IPO8: variants seen among roughly 807,000 people sequenced by gnomAD.
IPO8 encodes the protein importin 8.
In IPO8, 65 loss-of-function variants were observed where a neutral mutation model predicts 141.2. The observed-to-expected ratio is 0.46, with a 90% CI of 0.38 to 0.57. The LOEUF is 0.57. Among genes scored for constraint, IPO8 ranks in the 20% least tolerant of loss-of-function variants. The probability of loss-of-function intolerance (pLI) is 0.00; values close to 1 mark genes in which losing one functional copy is unlikely to be tolerated. For synonymous variants in IPO8, 411 were observed against 420.3 expected, an observed-to-expected ratio of 0.98 and a Z score of 0.27; for missense variants, 980 against 1,246.8, an observed-to-expected ratio of 0.79 and a Z score of 3.22.
intron 14 of IPO8, among the ~76,000 whole-genome samples, chr12:30,662,890 C>A (rs2052908745): frequency 6.6e-6 from 1 of 152,132 alleles, no homozygotes; most frequent in Non-Finnish European, 1.5e-5. Flanking sequence ...CTGCCCCAGG[C>A]CATCTCTACC....
At chr12:30,633,416 T>G (rs1468439859) in intron 23 of IPO8, among the ~76,000 whole-genome samples, 3 of 152,234 alleles carry the variant, frequency 2.0e-5, no homozygotes, top group African/African-American at 7.2e-5. Flanking sequence ...AATAATTTAT[T>G]TGATTAATAA....
intron 19 of IPO8, 94 bp downstream of exon 19, chr12:30,652,097 TA>T: frequency 1.5e-6 from 1 of 652,710 alleles, no homozygotes; most frequent in Non-Finnish European, 2.7e-6. Flanking sequence ...AATGCAGAAC[TA>T]AATGTGTAAG....
At chr12:30,668,293 C>T (rs912233787) in intron 10 of IPO8, among the ~76,000 whole-genome samples, 16 of 152,284 alleles carry the variant, frequency 1.1e-4, no homozygotes, top group Admixed American at 1.3e-4. Flanking sequence ...AAACACAAAG[C>T]TCTGTAAAAA....
At position 30,676,787 on chromosome 12, in the gene IPO8, G is replaced by C; in HGVS notation, c.640-200C>G. On this transcript the variant is annotated intron_variant, in intron 5 of 24. Transcript: ENST00000256079. ...AATTTTTAAATTTAGAAGACTACCT[G>C]CCATGAGTTGTTTCTTGGGTCTACT... The C allele has an allele frequency of 3.6e-6, 3 of 841,602 alleles. No individual in the cohort carries two copies. In the South Asian group the frequency reaches 4.6e-5, roughly 13 times the overall value. The allele number at this position is 841,602 out of a possible 1,614,324, so 52.1% of individuals were successfully genotyped here. A position where few individuals can be genotyped will look rare whatever the true frequency, so the allele number is the denominator to read the frequency against.
At chr12:30,671,758 G>GCA (rs2053055621) in intron 8 of IPO8, among the ~76,000 whole-genome samples, 1 of 148,492 alleles carries the variant, frequency 6.7e-6, no homozygotes, top group Non-Finnish European at 1.5e-5. Context: ...ACAAGAGACA[G>GCA]CACAAAGATG....
chr12:30,659,371 G>T (rs1181537836), intron 16 of IPO8, among the ~76,000 whole-genome samples: 4 of 151,940 alleles, frequency 2.6e-5, no homozygotes, highest in African/African-American at 7.2e-5. Flanking sequence ...GCAGCTACTC[G>T]GGAGGCTGAG....
intron 13 of IPO8, 94 bp from the exon 14 acceptor site, chr12:30,663,748 T>C (rs1426913357): frequency 1.0e-6 from 1 of 958,428 alleles, no homozygotes; most frequent in Non-Finnish European, 1.4e-6. Context: ...AAAATATCAA[T>C]TCTATGAAGA....
At chr12:30,667,495 C>G (rs542353125) in intron 10 of IPO8, among the ~76,000 whole-genome samples, 1 of 152,188 alleles carries the variant, frequency 6.6e-6, no homozygotes, top group Non-Finnish European at 1.5e-5. Context: ...TCAGTCAATA[C>G]ATTTAGATAG....
At chr12:30,640,289 A>G (rs1172526026) in intron 20 of IPO8, among the ~76,000 whole-genome samples, 1 of 152,214 alleles carries the variant, frequency 6.6e-6, no homozygotes, top group Non-Finnish European at 1.5e-5. Flanking sequence ...CTATTTCCCA[A>G]TAGTTATTTT....
At chr12:30,654,740 T>C (rs950714722) in intron 17 of IPO8, among the ~76,000 whole-genome samples, 2 of 152,082 alleles carry the variant, frequency 1.3e-5, no homozygotes, top group Admixed American at 1.3e-4. Flanking sequence ...AGGAAACTGT[T>C]GTATACTCTT....
chr12:30,680,754 T>C (rs990890883), intron 4 of IPO8, 116 bp from the exon 5 acceptor site: 6 of 803,142 alleles, frequency 7.5e-6, no homozygotes, highest in African/African-American at 5.3e-5. Flanking sequence ...GTCATTAACA[T>C]TGGCTTCTAG....
At chr12:30,642,984 A>G (rs2052595084) in intron 20 of IPO8, among the ~76,000 whole-genome samples, 1 of 152,216 alleles carries the variant, frequency 6.6e-6, no homozygotes, top group African/African-American at 2.4e-5. Flanking sequence ...ACCAAACAAC[A>G]TAATAAAACA....
intron 8 of IPO8, among the ~76,000 whole-genome samples, chr12:30,672,795 G>A (rs1232062385): frequency 2.0e-5 from 3 of 152,136 alleles, no homozygotes; most frequent in Non-Finnish European, 4.4e-5. Flanking sequence ...AATAACTTGT[G>A]AGAAATTCAA....
At chr12:30,656,625 T>G (rs1277508873) in intron 17 of IPO8, 59 bp downstream of exon 17, 31 of 977,738 alleles carry the variant, frequency 3.2e-5, no homozygotes, top group Non-Finnish European at 4.6e-5. Flanking sequence ...AAATTATACT[T>G]TGAGTTCAAA....
Position 30,631,925 on chromosome 12 carries a change from T to C in IPO8, c.2986A>G (p.Thr996Ala), listed in dbSNP as rs1196500924. The C allele has an allele frequency of 1.9e-6, 3 of 1,612,752 alleles. No individual in the cohort carries two copies. Among genetic ancestry groups the C allele is most frequent in the Admixed American group, 3.3e-5 (2 of 60,010 alleles). ...DQRTALQEVY[T>A]LAEHRRTVAE... ...ACCGTCCGTCGGTGCTCTGCCAGTG[T>C]GTACACCTCCTGCAGTGCTGTCCTC... Residue 996 changes from threonine to alanine, a missense_variant, in exon 24 of 25, where the codon ACA becomes GCA. Physicochemically the swap from Thr to Ala is moderately conservative, Grantham distance 58. Around this residue, in one of 3 missense-constraint regions of IPO8, gnomAD observed 924 missense variants for 1,153.9 expected, o/e 0.80. Transcript: ENST00000256079.
intron 5 of IPO8, chr12:30,680,253 T>C (rs2053174559): frequency 2.6e-6 from 1 of 385,540 alleles, no homozygotes; most frequent in African/African-American, 2.1e-5. Context: ...TGGTTCTGCT[T>C]TACCCATGAT....
At chr12:30,646,419 T>C (rs2052647363) in intron 20 of IPO8, among the ~76,000 whole-genome samples, 2 of 152,298 alleles carry the variant, frequency 1.3e-5, no homozygotes, top group Admixed American at 1.3e-4. Context: ...ACTGAATGTG[T>C]TCCCTCCTAA....
At chr12:30,675,615 C>T (rs1591840667) in intron 6 of IPO8, among the ~76,000 whole-genome samples, 2 of 150,736 alleles carry the variant, frequency 1.3e-5, no homozygotes, top group African/African-American at 2.4e-5. Context: ...ATCACGAGGT[C>T]AGGAGATCGA....
At chr12:30,660,467 C>T (rs1391580453) in intron 16 of IPO8, among the ~76,000 whole-genome samples, 2 of 152,204 alleles carry the variant, frequency 1.3e-5, no homozygotes, top group African/African-American at 4.8e-5. Flanking sequence ...AACTTACTAG[C>T]TCTGGGACCA....
Sources: gnomAD v4.1 joint callset for allele counts (sites outside exome capture counted in the v4.1 genomes callset) on GRCh38, gnomAD v4.1.1 for gene constraint, gnomAD v4.1.1 regional missense constraint, MANE v1.5 for transcripts, NCBI Gene and HGNC (gene_info 2026-07-23, HGNC 2026-07-21) for gene names.